LPGAT1: variants seen among roughly 807,000 people sequenced by gnomAD.
LPGAT1 encodes the protein acyl-CoA:lysophosphatidylglycerol acyltransferase 1.
In LPGAT1, 11 loss-of-function variants were observed where a neutral mutation model predicts 47.5. The ratio of observed to expected loss-of-function variants is 0.23; its 90% CI spans 0.15 to 0.38. The LOEUF is 0.38. Among genes scored for constraint, LPGAT1 ranks in the 10% least tolerant of loss-of-function variants. The probability of loss-of-function intolerance (pLI) is 1.00; values close to 1 mark genes in which losing one functional copy is unlikely to be tolerated. For missense variants in LPGAT1, 293 were observed against 439.0 expected (o/e 0.67, Z 2.97); for synonymous variants, 138 against 144.2 (o/e 0.96, Z 0.31).
At chr1:211,760,404 G>C (rs139676782) in intron 6 of LPGAT1, among the ~76,000 whole-genome samples, 1 of 152,176 alleles carries the variant, frequency 6.6e-6, no homozygotes, top group Non-Finnish European at 1.5e-5. Flanking sequence ...GCGGTGAGCC[G>C]AGATTGCATC....
Position 211,783,510 on chromosome 1 carries a change from G to A in LPGAT1, c.454-8C>T. ...GTCACGATAAGATCTTCCCTAGAAG[G>A]TACACACACACGTAATAAGTACAGG... On this transcript the variant is annotated splice_polypyrimidine_tract_variant and splice_region_variant and intron_variant, in intron 4 of 7. Coordinates refer to ENST00000366997, the MANE Select transcript of LPGAT1 (RefSeq NM_014873.3). The A allele has an allele frequency of 6.2e-7, 1 of 1,608,742 alleles. No homozygotes were observed.
At chr1:211,816,807 G>T (rs961714325) in intron 2 of LPGAT1, among the ~76,000 whole-genome samples, 5 of 152,246 alleles carry the variant, frequency 3.3e-5, no homozygotes, top group Middle Eastern at 3.4e-3. Flanking sequence ...CTAGCTCAAA[G>T]ATAAAACTAG....
chr1:211,760,284 T>A (rs901528159), intron 6 of LPGAT1, among the ~76,000 whole-genome samples: 1 of 151,922 alleles, frequency 6.6e-6, no homozygotes, highest in African/African-American at 2.4e-5. Flanking sequence ...AGAAACCCCG[T>A]CTCTACTAAA....
intron 2 of LPGAT1, among the ~76,000 whole-genome samples, chr1:211,806,748 T>C (rs1659778453): frequency 6.6e-6 from 1 of 152,166 alleles, no homozygotes; most frequent in Non-Finnish European, 1.5e-5. Flanking sequence ...AATTTCAGTA[T>C]CCATTCATCA....
At chr1:211,800,768 G>A (rs1659544550) in intron 2 of LPGAT1, among the ~76,000 whole-genome samples, 1 of 152,132 alleles carries the variant, frequency 6.6e-6, no homozygotes, top group Admixed American at 6.5e-5. Flanking sequence ...ATAAGCCTGT[G>A]GTAAAATCAG....
At chr1:211,776,653 T>C (rs1460564137) in intron 6 of LPGAT1, among the ~76,000 whole-genome samples, 1 of 151,844 alleles carries the variant, frequency 6.6e-6, no homozygotes, top group Non-Finnish European at 1.5e-5. Flanking sequence ...TCTGCTAAGA[T>C]GAAAACAAAT....
At chr1:211,776,472 G>A (rs1658404587) in intron 6 of LPGAT1, among the ~76,000 whole-genome samples, 1 of 152,048 alleles carries the variant, frequency 6.6e-6, no homozygotes, top group Non-Finnish European at 1.5e-5. Flanking sequence ...AGGAGGTGGA[G>A]GTTGCAGTGC....
chr1:211,750,129 A>C (rs1571686438), intron 7 of LPGAT1, 79 bp from the exon 8 acceptor site: 1 of 1,275,608 alleles, frequency 7.8e-7, no homozygotes, highest in East Asian at 2.3e-5. Context: ...TATTAGCTTA[A>C]CTACATTTGT....
chr1:211,756,489 A>C (rs566857432), intron 6 of LPGAT1, among the ~76,000 whole-genome samples: 47 of 152,174 alleles, frequency 3.1e-4, no homozygotes, highest in African/African-American at 7.9e-4. Context: ...CATCATGCCC[A>C]GCTAATTTTT....
intron 4 of LPGAT1, 137 bp downstream of exon 4, chr1:211,787,489 CAAAAAA>C (rs374026763): frequency 8.9e-4 from 170 of 190,556 alleles, no homozygotes; most frequent in Middle Eastern, 2.9e-3. Context: ...CTCTGTCTCT[CAAAAAA>C]AAAAAAAAAA....
intron 6 of LPGAT1, among the ~76,000 whole-genome samples, chr1:211,763,943 G>A (rs921960080): frequency 3.9e-5 from 6 of 152,174 alleles, no homozygotes; most frequent in African/African-American, 1.2e-4. Flanking sequence ...AGGCCAAGGC[G>A]GGTGGATCAC....
chr1:211,779,192 C>A, intron 5 of LPGAT1, 148 bp from the exon 6 acceptor site: 1 of 522,986 alleles, frequency 1.9e-6, no homozygotes, highest in South Asian at 3.3e-5. Flanking sequence ...TGCTCCTGTT[C>A]TATAACACTC....
chr1:211,776,279 A>G (rs1440200382), intron 6 of LPGAT1, among the ~76,000 whole-genome samples: 2 of 152,164 alleles, frequency 1.3e-5, no homozygotes, highest in African/African-American at 4.8e-5. Context: ...GGCCAGGCGC[A>G]TGGCTAAAGC....
intron 3 of LPGAT1, among the ~76,000 whole-genome samples, chr1:211,792,848 A>G (rs993484712): frequency 4.6e-5 from 7 of 150,562 alleles, no homozygotes; most frequent in South Asian, 4.2e-4. Flanking sequence ...AGTAACTGGG[A>G]CTACAGGTGC....
intron 4 of LPGAT1, among the ~76,000 whole-genome samples, chr1:211,785,959 G>A (rs1198297705): frequency 1.3e-5 from 2 of 152,066 alleles, no homozygotes; most frequent in Non-Finnish European, 2.9e-5. Context: ...ACACTACACT[G>A]TAAATTCAAT....
chr1:211,769,143 C>G (rs1283770115), intron 6 of LPGAT1, among the ~76,000 whole-genome samples: 1 of 151,930 alleles, frequency 6.6e-6, no homozygotes, highest in Non-Finnish European at 1.5e-5. Context: ...CTCCAGCGGA[C>G]AAAGGTAAAA....
At chr1:211,787,509 AGCT>A in intron 4 of LPGAT1, 120 bp downstream of exon 4, 1 of 405,610 alleles carries the variant, frequency 2.5e-6, no homozygotes, top group Non-Finnish European at 4.5e-6. Flanking sequence ...AAAAAAAAAA[AGCT>A]CCCTAAGACT....
chr1:211,792,314 A>G (rs1659155376), intron 3 of LPGAT1: 1 of 151,598 alleles, frequency 6.6e-6, no homozygotes, highest in African/African-American at 2.4e-5. Flanking sequence ...CTATCAGCAT[A>G]GAGAACTACA....
chr1:211,809,183 C>T (rs542140141), intron 2 of LPGAT1, among the ~76,000 whole-genome samples: 8 of 151,460 alleles, frequency 5.3e-5, no homozygotes, highest in East Asian at 1.9e-4. Context: ...CCAGCCTGGG[C>T]GACAGTGCGA....
Sources: allele counts gnomAD v4.1 joint callset (sites outside exome capture counted in the v4.1 genomes callset), GRCh38; gene constraint gnomAD v4.1.1; transcripts MANE v1.5; gene names NCBI Gene and HGNC (gene_info 2026-07-23, HGNC 2026-07-21).